The following KCNG3 variants were observed in gnomAD, a reference collection of about 807,000 sequenced individuals.
The protein encoded by KCNG3 is voltage-gated potassium channel regulatory subunit KCNG3.
Under a neutral mutation model 29.0 loss-of-function variants are expected in KCNG3, and 15 were observed. The ratio of observed to expected loss-of-function variants is 0.52; its 90% confidence interval spans 0.35 to 0.80. KCNG3 has a LOEUF of 0.80. KCNG3 is among the 30% of genes least tolerant of loss of function. The pLI, the probability that KCNG3 is intolerant of heterozygous loss-of-function variation, is 0.01. For synonymous variants in KCNG3, 322 were observed against 248.9 expected (o/e 1.29, Z -2.76); for missense variants, 512 against 605.7 (o/e 0.85, Z 1.62).
At chr2:42,395,895 A>G in the KCNG3 span, among the ~76,000 whole-genome samples, 1 of 152,098 alleles carries the variant, frequency 6.6e-6, no homozygotes, top group African/African-American at 2.4e-5. Flanking sequence ...GGCTGAAGTG[A>G]GCTGTGATCA....
chr2:42,454,612 T>G (rs1672836002), intron 1 of KCNG3, among the ~76,000 whole-genome samples: 1 of 151,562 alleles, frequency 6.6e-6, no homozygotes, highest in South Asian at 2.1e-4. Context: ...CTCGGGAGGC[T>G]GAGGCAGGAG....
the KCNG3 span, among the ~76,000 whole-genome samples, chr2:42,403,481 T>G: frequency 7.0e-6 from 1 of 143,578 alleles, no homozygotes; most frequent in Non-Finnish European, 1.5e-5. Flanking sequence ...TTTTCTGTTT[T>G]TTTTTTTTTT....
chr2:42,452,776 T>C (rs537470575), intron 1 of KCNG3, among the ~76,000 whole-genome samples: 1 of 135,386 alleles, frequency 7.4e-6, no homozygotes, highest in South Asian at 2.5e-4. Context: ...ACTGGGTGTG[T>C]GTGTGTGTGT....
At chr2:42,485,694 C>T (rs1483259903) in intron 1 of KCNG3, among the ~76,000 whole-genome samples, 10 of 152,122 alleles carry the variant, frequency 6.6e-5, no homozygotes, top group Admixed American at 5.2e-4. Flanking sequence ...GTGATCCACC[C>T]GCCTCGGCCT....
the KCNG3 span, among the ~76,000 whole-genome samples, chr2:42,418,642 T>C: frequency 2.0e-5 from 3 of 152,200 alleles, no homozygotes; most frequent in Admixed American, 6.5e-5. Flanking sequence ...TAATGAATCA[T>C]TGCAAATGTG....
At chr2:42,407,471 G>C in the KCNG3 span, among the ~76,000 whole-genome samples, 5 of 152,222 alleles carry the variant, frequency 3.3e-5, no homozygotes, top group African/African-American at 1.2e-4. Flanking sequence ...CACACTGGCT[G>C]CAGGAGGGAG....
the KCNG3 span, among the ~76,000 whole-genome samples, chr2:42,396,811 C>T: frequency 6.6e-6 from 1 of 152,132 alleles, no homozygotes. Context: ...AGAGGTCAGG[C>T]ACATGCTGTA....
chr2:42,430,962 T>C, the KCNG3 span, among the ~76,000 whole-genome samples: 11 of 151,768 alleles, frequency 7.2e-5, no homozygotes, highest in African/African-American at 1.9e-4. Context: ...TTACAAAAAT[T>C]AGCTGGGTGT....
chr2:42,413,443 TTTTC>T, the KCNG3 span, among the ~76,000 whole-genome samples: 1 of 152,220 alleles, frequency 6.6e-6, no homozygotes, highest in South Asian at 2.1e-4. Context: ...TTTATCACAT[TTTTC>T]TTTCTCTCTT....
intron 1 of KCNG3, among the ~76,000 whole-genome samples, chr2:42,477,430 T>TACA (rs1483044576): frequency 1.1e-5 from 1 of 91,202 alleles, no homozygotes; most frequent in Non-Finnish European, 2.3e-5. Flanking sequence ...CACATATATT[T>TACA]TTTTTTTTTT....
intron 1 of KCNG3, among the ~76,000 whole-genome samples, chr2:42,454,755 C>A (rs1337072036): frequency 2.0e-5 from 3 of 151,384 alleles, no homozygotes; most frequent in Non-Finnish European, 4.4e-5. Flanking sequence ...CGTGGATGAA[C>A]CTTGAAGACA....
intron 1 of KCNG3, among the ~76,000 whole-genome samples, chr2:42,482,083 C>G (rs1673600394): frequency 6.6e-6 from 1 of 152,174 alleles, no homozygotes; most frequent in African/African-American, 2.4e-5. Flanking sequence ...CTCAGCCTCC[C>G]AAACAGCTGG....
intron 1 of KCNG3, among the ~76,000 whole-genome samples, chr2:42,448,227 C>T (rs1672653138): frequency 6.6e-6 from 1 of 152,198 alleles, no homozygotes; most frequent in Non-Finnish European, 1.5e-5. Flanking sequence ...CAGGCCAGGA[C>T]TACTGTTCCT....
At chr2:42,428,785 G>C in the KCNG3 span, among the ~76,000 whole-genome samples, 1 of 152,186 alleles carries the variant, frequency 6.6e-6, no homozygotes, top group Non-Finnish European at 1.5e-5. Flanking sequence ...AGTGATGTCA[G>C]GTGTCACCTG....
chr2:42,412,332 A>G, the KCNG3 span, among the ~76,000 whole-genome samples: 1 of 152,238 alleles, frequency 6.6e-6, no homozygotes, highest in Non-Finnish European at 1.5e-5. Flanking sequence ...TTATTTTGGA[A>G]GCAGCTAATT....
chr2:42,408,595 C>T, the KCNG3 span, among the ~76,000 whole-genome samples: 2 of 152,124 alleles, frequency 1.3e-5, no homozygotes, highest in East Asian at 3.9e-4. Context: ...TTGGGACACC[C>T]TGGAAGCAGA....
chr2:42,398,260 T>TAAATAAAAA, the KCNG3 span, among the ~76,000 whole-genome samples: 2 of 124,090 alleles, frequency 1.6e-5, no homozygotes, highest in East Asian at 2.2e-4. Flanking sequence ...AATAAATAAA[T>TAAATAAAAA]AAATAAAATA....
intron 1 of KCNG3, among the ~76,000 whole-genome samples, chr2:42,486,257 G>A (rs1471383762): frequency 6.6e-6 from 1 of 152,188 alleles, no homozygotes; most frequent in Non-Finnish European, 1.5e-5. Flanking sequence ...AGTCCTGGTA[G>A]GTGAGCTGTC....
intron 1 of KCNG3, among the ~76,000 whole-genome samples, chr2:42,492,407 A>G (rs1001349016): frequency 2.0e-5 from 3 of 152,240 alleles, no homozygotes; most frequent in African/African-American, 7.2e-5. Flanking sequence ...ACATTTCACC[A>G]TAACAAGAAT....
Sources: gnomAD v4.1 joint callset for allele counts (sites outside exome capture counted in the v4.1 genomes callset) on GRCh38, gnomAD v4.1.1 for gene constraint, MANE v1.5 for transcripts, NCBI Gene and HGNC (gene_info 2026-07-23, HGNC 2026-07-21) for gene names.